SDK1: variants seen among roughly 807,000 people sequenced by gnomAD.
The protein encoded by SDK1 is sidekick cell adhesion molecule 1.
A neutral mutation model predicts 245.5 loss-of-function variants in SDK1; 157 were observed. The observed-to-expected ratio is 0.64, with a 90% CI of 0.56 to 0.73. The LOEUF (loss-of-function observed/expected upper bound fraction) is 0.73, where lower values mean the gene tolerates loss of function less well. SDK1 is among the 30% of genes least tolerant of loss of function. The probability of loss-of-function intolerance (pLI) is 0.00; values close to 1 mark genes in which losing one functional copy is unlikely to be tolerated. For synonymous variants in SDK1, 1,647 were observed against 1,278.5 expected (o/e 1.29, Z -6.15); for missense variants, 3,583 against 3,002.3 (o/e 1.19, Z -4.52).
At chr7:3,336,686 C>A (rs1181459304) in intron 1 of SDK1, among the ~76,000 whole-genome samples, 1 of 151,998 alleles carries the variant, frequency 6.6e-6, no homozygotes, top group Non-Finnish European at 1.5e-5. Context: ...ACTGGCATGG[C>A]TTAGCCCTTG....
chr7:3,498,244 A>C (rs905314120), intron 1 of SDK1, among the ~76,000 whole-genome samples: 1 of 152,248 alleles, frequency 6.6e-6, no homozygotes. Flanking sequence ...TAAAGACGAC[A>C]TGTGTACTCA....
chr7:3,610,020 C>G (rs1429997272), intron 1 of SDK1, among the ~76,000 whole-genome samples: 1 of 152,144 alleles, frequency 6.6e-6, no homozygotes, highest in East Asian at 1.9e-4. Flanking sequence ...GATTTGAACC[C>G]AGGGCTCCAA....
At chr7:3,381,472 A>G (rs1374830095) in intron 1 of SDK1, among the ~76,000 whole-genome samples, 1 of 152,090 alleles carries the variant, frequency 6.6e-6, no homozygotes, top group Non-Finnish European at 1.5e-5. Flanking sequence ...AACTGATGCC[A>G]ACTACGCAGG....
chr7:3,741,180 T>A (rs1003432292), intron 4 of SDK1, among the ~76,000 whole-genome samples: 6 of 152,228 alleles, frequency 3.9e-5, no homozygotes, highest in Non-Finnish European at 7.3e-5. Flanking sequence ...AAGAAATATG[T>A]CAGAGAGCTT....
chr7:3,637,101 G>A (rs59431801), intron 2 of SDK1, among the ~76,000 whole-genome samples: 1 of 149,838 alleles, frequency 6.7e-6, no homozygotes, highest in Non-Finnish European at 1.5e-5. Flanking sequence ...GTGTGTGTGT[G>A]TGTGTGTGTG....
intron 1 of SDK1, among the ~76,000 whole-genome samples, chr7:3,570,792 ACT>A (rs1780090558): frequency 6.6e-6 from 1 of 152,016 alleles, no homozygotes; most frequent in Non-Finnish European, 1.5e-5. Flanking sequence ...TCCACAAAGT[ACT>A]CTCTTTTAGC....
At position 4,011,000 on chromosome 7, in the gene SDK1, C is replaced by G. The variant is rs906754655; in HGVS notation, c.2166C>G (p.Gly722=). ...GGAAGGTGCATCTGTCAAACGTTGGCCCTGAGATGACAGGCGTCACCGTGA... is the reference window on the plus strand; with the variant it reads ...GGAAGGTGCATCTGTCAAACGTTGGGCCTGAGATGACAGGCGTCACCGTGA... ...SPWKVHLSNV[G]PEMTGVTVSG... Residue 722 remains glycine, a synonymous_variant, in exon 15 of 45, where the codon GGC becomes GGG. Coordinates refer to ENST00000404826, the MANE Select transcript of SDK1 (RefSeq NM_152744.4). 22 of 1,614,172 alleles carry G rather than the reference C, an allele frequency of 1.4e-5. No individual in the cohort carries two copies. The East Asian group carries it at 4.7e-4, about 34-fold the overall frequency.
intron 2 of SDK1, among the ~76,000 whole-genome samples, chr7:3,633,833 G>A (rs1434311527): frequency 6.6e-6 from 1 of 152,024 alleles, no homozygotes; most frequent in Non-Finnish European, 1.5e-5. Flanking sequence ...TGGAGATTGG[G>A]CAGGAACAGA....
chr7:3,993,395 G>C (rs1279588692), intron 14 of SDK1, among the ~76,000 whole-genome samples: 1 of 151,946 alleles, frequency 6.6e-6, no homozygotes, highest in Non-Finnish European at 1.5e-5. Flanking sequence ...TGTATGTCTT[G>C]TGGTAAATGC....
intron 5 of SDK1, among the ~76,000 whole-genome samples, chr7:3,839,674 C>T (rs1780110020): frequency 6.6e-6 from 1 of 152,074 alleles, no homozygotes; most frequent in Non-Finnish European, 1.5e-5. Context: ...AAAAAAAGAA[C>T]ATTCCCATTT....
At chr7:3,437,631 A>G (rs146008408) in intron 1 of SDK1, among the ~76,000 whole-genome samples, 1 of 152,194 alleles carries the variant, frequency 6.6e-6, no homozygotes, top group East Asian at 1.9e-4. Context: ...GCTGGATGTG[A>G]TGGTGCGCGC....
At chr7:4,140,465 C>G (rs1351719549) in intron 28 of SDK1, among the ~76,000 whole-genome samples, 6 of 152,212 alleles carry the variant, frequency 3.9e-5, no homozygotes, top group Admixed American at 1.3e-4. Context: ...GTTTCCCCCA[C>G]TCTGTGTCGG....
At chr7:3,530,696 A>G (rs535374153) in intron 1 of SDK1, among the ~76,000 whole-genome samples, 1 of 152,222 alleles carries the variant, frequency 6.6e-6, no homozygotes, top group Non-Finnish European at 1.5e-5. Context: ...ATATGAAGTT[A>G]GCTTATGTAC....
At chr7:4,134,952 C>G (rs891927364) in intron 28 of SDK1, 2 of 152,500 alleles carry the variant, frequency 1.3e-5, no homozygotes, top group South Asian at 2.1e-4. Context: ...TGCCTGACAC[C>G]CACTTCAGGG....
chr7:3,621,677 T>C (rs566507075), intron 2 of SDK1, among the ~76,000 whole-genome samples: 1 of 152,276 alleles, frequency 6.6e-6, no homozygotes, highest in South Asian at 2.1e-4. Flanking sequence ...GTAATAGTGG[T>C]TTCTCCTCCA....
chr7:4,012,575 TTTTTTTTTTTTTTTTTTG>T (rs2128149849), intron 16 of SDK1, among the ~76,000 whole-genome samples: 1 of 104,692 alleles, frequency 9.6e-6, no homozygotes, highest in African/African-American at 5.3e-5. Flanking sequence ...TTTTTTTTTT[TTTTTTTTTTTTTTTTTTG>T]ATGGAGTTTC....
intron 14 of SDK1, among the ~76,000 whole-genome samples, chr7:3,998,933 C>A (rs1333623107): frequency 1.3e-5 from 2 of 152,174 alleles, no homozygotes; most frequent in African/African-American, 4.8e-5. Context: ...CCAAAGCTAA[C>A]CTGAGTGTCT....
intron 1 of SDK1, among the ~76,000 whole-genome samples, chr7:3,500,107 G>C (rs1008339029): frequency 9.9e-5 from 15 of 152,062 alleles, no homozygotes; most frequent in African/African-American, 1.7e-4. Flanking sequence ...TGGGGTTTAG[G>C]GGGGGTCTGG....
chr7:3,594,852 ATACT>A (rs1236715738), intron 1 of SDK1, among the ~76,000 whole-genome samples: 1 of 152,222 alleles, frequency 6.6e-6, no homozygotes, highest in Non-Finnish European at 1.5e-5. Flanking sequence ...AAAATCAAGC[ATACT>A]TAAAGAATCA....
Sources: gnomAD v4.1 joint callset for allele counts (sites outside exome capture counted in the v4.1 genomes callset) on GRCh38, gnomAD v4.1.1 for gene constraint, MANE v1.5 for transcripts, NCBI Gene and HGNC (gene_info 2026-07-23, HGNC 2026-07-21) for gene names.